The following TNPO1 variants were observed in gnomAD, a reference collection of about 807,000 sequenced individuals.
TNPO1 encodes the protein transportin-1.
Under a neutral mutation model 119.5 loss-of-function variants are expected in TNPO1, and 8 were observed. That is an observed-to-expected ratio of 0.07 (90% confidence interval 0.04 to 0.12). TNPO1 has a LOEUF of 0.12. TNPO1 is among the 10% of genes least tolerant of loss of function. The probability of loss-of-function intolerance (pLI) is 1.00; values close to 1 mark genes in which losing one functional copy is unlikely to be tolerated. For synonymous variants in TNPO1, 362 were observed against 363.0 expected, an observed-to-expected ratio of 1.00 and a Z score of 0.03; for missense variants, 576 against 1,089.8, an observed-to-expected ratio of 0.53 and a Z score of 6.64.
intron 11 of TNPO1, among the ~76,000 whole-genome samples, chr5:72,884,589 A>T (rs2112427418): frequency 6.6e-6 from 1 of 152,296 alleles, no homozygotes; most frequent in South Asian, 2.1e-4. Flanking sequence ...TGCAAATCAT[A>T]TCACCTGTGG....
chr5:72,892,269 G>A (rs1449294003), intron 15 of TNPO1, among the ~76,000 whole-genome samples: 1 of 151,848 alleles, frequency 6.6e-6, no homozygotes, highest in Non-Finnish European at 1.5e-5. Flanking sequence ...ATGTTTCCAT[G>A]TGTACTTAAC....
chr5:72,821,877 C>T (rs1743973462), intron 1 of TNPO1, among the ~76,000 whole-genome samples: 1 of 152,086 alleles, frequency 6.6e-6, no homozygotes, highest in Non-Finnish European at 1.5e-5. Flanking sequence ...GGTTCAGGGG[C>T]CCTGAAAGGT....
rs1398334752 is a variant in TNPO1 at position 72,872,700 on chromosome 5, C to T, written c.658C>T (p.His220Tyr). 1 of 1,608,214 alleles carries T rather than the reference C, an allele frequency of 6.2e-7. No homozygotes were observed. The highest frequency in any genetic ancestry group is 1.3e-5 in the African/African-American group (1 of 74,714). Residue 220 changes from histidine to tyrosine, a missense_variant, in exon 7 of 25, where the codon CAC (histidine) becomes TAC (tyrosine). Transcript: ENST00000337273. Reference protein sequence around the residue: ...IISRTQALMLHIDSFIENLFA... With the variant: ...IISRTQALMLYIDSFIENLFA... ...CAGTAGGACTCAAGCTCTAATGTTG[C>T]ACATTGATTCTTTTATTGAGGTAAG...
At chr5:72,891,146 G>A (rs1160090436) in intron 14 of TNPO1, among the ~76,000 whole-genome samples, 1 of 151,062 alleles carries the variant, frequency 6.6e-6, no homozygotes, top group East Asian at 2.1e-4. Context: ...CCCAGCCCCA[G>A]AACTAAAAAT....
intron 12 of TNPO1, among the ~76,000 whole-genome samples, chr5:72,887,516 G>A (rs933009137): frequency 3.3e-5 from 5 of 152,028 alleles, no homozygotes; most frequent in Admixed American, 3.3e-4. Flanking sequence ...GCGAAACCAC[G>A]TCTGCTAAAA....
At chr5:72,840,151 A>C (rs1179173780) in intron 1 of TNPO1, among the ~76,000 whole-genome samples, 1 of 152,072 alleles carries the variant, frequency 6.6e-6, no homozygotes, top group Admixed American at 6.5e-5. Flanking sequence ...CCCACTGTTA[A>C]GTTCTCTAAG....
chr5:72,877,484 G>A (rs190451013), intron 9 of TNPO1, 138 bp downstream of exon 9: 5 of 480,022 alleles, frequency 1.0e-5, no homozygotes, highest in African/African-American at 9.8e-5. Flanking sequence ...TTTATTGTTG[G>A]TAAAGAGATT....
At chr5:72,864,462 G>A (rs1746731465) in intron 5 of TNPO1, among the ~76,000 whole-genome samples, 1 of 152,142 alleles carries the variant, frequency 6.6e-6, no homozygotes, top group South Asian at 2.1e-4. Flanking sequence ...TATGTACAAA[G>A]TCTCTGGATT....
intron 1 of TNPO1, among the ~76,000 whole-genome samples, chr5:72,839,715 A>G (rs1420069736): frequency 6.6e-6 from 1 of 152,136 alleles, no homozygotes; most frequent in Non-Finnish European, 1.5e-5. Context: ...ACCGCTGCTT[A>G]TTAGAGTAAG....
At chr5:72,864,176 G>C (rs1442950897) in intron 5 of TNPO1, among the ~76,000 whole-genome samples, 1 of 151,570 alleles carries the variant, frequency 6.6e-6, no homozygotes, top group African/African-American at 2.4e-5. Context: ...GACTATTTTA[G>C]CATGTTAATT....
chr5:72,883,948 C>G (rs558131990), intron 11 of TNPO1, among the ~76,000 whole-genome samples: 130 of 150,970 alleles, frequency 8.6e-4, no homozygotes, highest in Non-Finnish European at 1.3e-3. Context: ...GACAGTTTTG[C>G]CATGTTGCCC....
chr5:72,858,953 GTTT>G (rs35567162), intron 4 of TNPO1, among the ~76,000 whole-genome samples: 1 of 135,734 alleles, frequency 7.4e-6, no homozygotes, highest in Non-Finnish European at 1.6e-5. Context: ...ATCTGGGAAG[GTTT>G]TTTTTTTTTT....
At chr5:72,828,644 C>T (rs987449886) in intron 1 of TNPO1, among the ~76,000 whole-genome samples, 8 of 152,118 alleles carry the variant, frequency 5.3e-5, no homozygotes, top group Admixed American at 2.6e-4. Flanking sequence ...AAACTGCATA[C>T]GTGAGCAAAT....
chr5:72,855,803 A>G lies in TNPO1; in HGVS notation c.235A>G (p.Ile79Val). 6.2e-7 allele frequency: 1 copy of G among 1,611,704 alleles called. No individual in the cohort carries two copies. ...DEPTRSLSGL[I>V]LKNNVKAHFQ... ...ACCCACAAGATCATTGAGTGGTCTT[A>G]TCTTGAAGAATAATGTGAAAGCACA... The change falls in exon 4 of 25, where the codon ATC becomes GTC. Residue 79 changes from isoleucine (I) to valine (V), a missense_variant. Ile to Val is a conservative substitution (Grantham distance 29, BLOSUM62 3). Coordinates refer to ENST00000337273, the MANE Select transcript of TNPO1 (RefSeq NM_002270.4).
At chr5:72,892,041 GCT>G (rs1749097219) in intron 15 of TNPO1, 145 bp downstream of exon 15, 1 of 593,130 alleles carries the variant, frequency 1.7e-6, no homozygotes, top group Admixed American at 3.2e-5. Context: ...TCTCTAACCT[GCT>G]TTACTTAATT....
intron 1 of TNPO1, among the ~76,000 whole-genome samples, chr5:72,835,564 G>C (rs752663979): frequency 6.6e-6 from 1 of 152,102 alleles, no homozygotes; most frequent in Non-Finnish European, 1.5e-5. Context: ...TTTGATAAGG[G>C]TATTAATCCC....
chr5:72,847,642 T>G (rs532634458), intron 1 of TNPO1, among the ~76,000 whole-genome samples: 1 of 152,362 alleles, frequency 6.6e-6, no homozygotes, highest in South Asian at 2.1e-4. Context: ...ACTTTTGGAA[T>G]GTAGTTATTT....
chr5:72,834,045 A>G (rs992464313), intron 1 of TNPO1, among the ~76,000 whole-genome samples: 4 of 152,116 alleles, frequency 2.6e-5, no homozygotes, highest in South Asian at 4.1e-4. Flanking sequence ...TACATATACC[A>G]TGGTGGTCCC....
intron 2 of TNPO1, among the ~76,000 whole-genome samples, chr5:72,850,386 C>A (rs1038427717): frequency 6.6e-6 from 1 of 152,096 alleles, no homozygotes; most frequent in African/African-American, 2.4e-5. Context: ...GTTGTTGGTT[C>A]GTTTACTTTC....
Sources: allele counts gnomAD v4.1 joint callset (sites outside exome capture counted in the v4.1 genomes callset), GRCh38; gene constraint gnomAD v4.1.1; transcripts MANE v1.5; gene names NCBI Gene and HGNC (gene_info 2026-07-23, HGNC 2026-07-21).